UBE2O: variants seen among roughly 807,000 people sequenced by gnomAD.
The protein encoded by UBE2O is ubiquitin conjugating enzyme E2 O.
In UBE2O, 15 loss-of-function variants were observed where a neutral mutation model predicts 125.8. That is an observed-to-expected ratio of 0.12 (90% CI 0.08 to 0.18). UBE2O has a LOEUF of 0.18. Ranked by LOEUF, UBE2O falls within the 10% of genes least tolerant of loss-of-function variation. The pLI is 1.00. For synonymous variants in UBE2O, 708 were observed against 703.2 expected, an observed-to-expected ratio of 1.01 and a Z score of -0.11; for missense variants, 1,280 against 1,723.6, an observed-to-expected ratio of 0.74 and a Z score of 4.56.
Position 76,424,873 on chromosome 17 carries a change from T to A in UBE2O, c.418-19301A>T, listed in dbSNP as rs545305768. On this transcript the variant is annotated intron_variant, in intron 1 of 17. Coordinates refer to ENST00000319380, the MANE Select transcript of UBE2O (RefSeq NM_022066.4). ...TCTTTTTTTTTTTTTATTTTTTATT[T>A]TTTTTTTTTGAGACAGAGTCTCGCC... is the stretch of plus-strand genomic sequence containing the variant. Among the ~76,000 whole-genome samples the A allele has an allele frequency of 6.5e-3, 980 of 150,784 alleles. 12 individuals carry two copies. Among genetic ancestry groups the A allele is most frequent in the African/African-American group, 0.022 (910 of 41,158 alleles).
At position 76,398,251 on chromosome 17, in the gene UBE2O, G is replaced by GT. The variant is rs1471562777; in HGVS notation, c.2025+3dup. The GT allele has an allele frequency of 1.2e-6, 2 of 1,614,010 alleles. No homozygotes were observed. Among genetic ancestry groups the GT allele is most frequent in the African/African-American group, 1.3e-5 (1 of 74,908 alleles). On this transcript the variant is annotated splice_donor_region_variant and intron_variant, in intron 12 of 17. Coordinates refer to ENST00000319380, the MANE Select transcript of UBE2O (RefSeq NM_022066.4). The surrounding 1 kb of genome is among the most constrained non-coding windows in gnomAD (Gnocchi z 5.4). ...CCATCCAGAACTTGAATTTGAAGGCGTACCTCATCCTCCTTGTGAGGAGCC... is the reference window on the plus strand; with the variant it reads ...CCATCCAGAACTTGAATTTGAAGGCGTTACCTCATCCTCCTTGTGAGGAGCC...
intron 1 of UBE2O, among the ~76,000 whole-genome samples, chr17:76,423,617 T>C (rs2072745365): frequency 6.7e-6 from 1 of 149,926 alleles, no homozygotes; most frequent in African/African-American, 2.5e-5. Flanking sequence ...CGCTTGAACC[T>C]GGGAGGCGGA....
At position 76,400,612 on chromosome 17, in the gene UBE2O, G is replaced by C. The variant is rs2072305454; in HGVS notation, c.895-62C>G. 1.7e-6 allele frequency: 2 copies of C among 1,159,576 alleles called. No individual in the cohort carries two copies. The highest frequency in any genetic ancestry group is 2.5e-5 in the East Asian group (1 of 40,554). 71.8% of individuals were successfully genotyped at this position (1,159,576 alleles called of 1,614,324 possible). On this transcript the variant is annotated intron_variant, in intron 6 of 17. Coordinates refer to ENST00000319380, the MANE Select transcript of UBE2O (RefSeq NM_022066.4). This position sits in a 1 kb window ranked among gnomAD's most constrained non-coding sequence, Gnocchi z 4.3. ...GCTCTGACAGCACTCTCTTTAGCCA[G>C]CTGCCCAAAGCCCACTTGACCTCCA...
In UBE2O at chr17:76,410,358, C is replaced by T. The variant is rs565651574; in HGVS notation, c.418-4786G>A. Among the ~76,000 whole-genome samples, 5 of 151,748 alleles carry T rather than the reference C, an allele frequency of 3.3e-5. No individual in the cohort carries two copies. Among genetic ancestry groups the T allele is most frequent in the Non-Finnish European group, 7.4e-5 (5 of 67,934 alleles). ...ATTTGGCAATGTCTGGAGACACTTT[C>T]GGTGGTCATAAAGGGTGGTGGGGGT... is the stretch of plus-strand genomic sequence containing the variant. On this transcript the variant is annotated intron_variant, in intron 1 of 17. Coordinates refer to ENST00000319380, the MANE Select transcript of UBE2O (RefSeq NM_022066.4). The surrounding 1 kb of genome is among the most constrained non-coding windows in gnomAD (Gnocchi z 4.0).
intron 1 of UBE2O, among the ~76,000 whole-genome samples, chr17:76,447,609 G>A (rs1321740452): frequency 6.6e-6 from 1 of 152,168 alleles, no homozygotes; most frequent in Non-Finnish European, 1.5e-5. Flanking sequence ...GACGGCCGGG[G>A]TTACTTTAAA....
chr17:76,429,762 T>C (rs1352286698), intron 1 of UBE2O, among the ~76,000 whole-genome samples: 1 of 152,078 alleles, frequency 6.6e-6, no homozygotes, highest in Non-Finnish European at 1.5e-5. Context: ...GCCTCATGCC[T>C]GGCCTCAGCA....
Position 76,412,611 on chromosome 17 carries a change from G to A in UBE2O, c.418-7039C>T, listed in dbSNP as rs11652750. On this transcript the variant is annotated intron_variant, in intron 1 of 17. Coordinates refer to ENST00000319380, the MANE Select transcript of UBE2O (RefSeq NM_022066.4). Reference sequence around the variant, plus strand: ...GTTGTCCCTGAGCTTGAAGGGTCTAGCTCCACGCTGCCATGTGCCCACTCC... The same window carrying A: ...GTTGTCCCTGAGCTTGAAGGGTCTAACTCCACGCTGCCATGTGCCCACTCC... Among the ~76,000 whole-genome samples, 479 of 152,322 alleles carry A rather than the reference G, an allele frequency of 3.1e-3. 4 individuals carry two copies. The highest frequency in any genetic ancestry group is 4.5e-3 in the Non-Finnish European group (307 of 68,032).
Position 76,395,487 on chromosome 17 carries a change from C to A in UBE2O, c.2946+238G>T. 2.2e-6 allele frequency: 1 copy of A among 456,976 alleles called. No homozygotes were observed. The highest frequency in any genetic ancestry group is 3.9e-6 in the Non-Finnish European group (1 of 259,660). The allele number at this position is 456,976 out of a possible 1,614,324, so 28.3% of individuals were successfully genotyped here. ...GATTACGGGTGTGAGCCACTGCGCC[C>A]GGCCGAGAAAGTAATTTTTTAAAGG... On this transcript the variant is annotated intron_variant, in intron 15 of 17. Coordinates refer to ENST00000319380, the MANE Select transcript of UBE2O (RefSeq NM_022066.4). This position sits in a 1 kb window ranked among gnomAD's most constrained non-coding sequence, Gnocchi z 5.0.
Position 76,400,135 on chromosome 17 carries a change from C to G in UBE2O, c.1155+12G>C. ...CTCAAATGCCCACCAATCCCCAACC[C>G]CAAGGACATACCTTCTTGGCCATAG... On this transcript the variant is annotated intron_variant, in intron 8 of 17. Coordinates refer to ENST00000319380, the MANE Select transcript of UBE2O (RefSeq NM_022066.4). This position sits in a 1 kb window ranked among gnomAD's most constrained non-coding sequence, Gnocchi z 4.3. 6.2e-7 allele frequency: 1 copy of G among 1,611,480 alleles called. No homozygotes were observed. The highest frequency in any genetic ancestry group is 8.5e-7 in the Non-Finnish European group (1 of 1,178,396).
chr17:76,398,914 C>A lies in UBE2O; in HGVS notation c.1706G>T (p.Arg569Leu). 1 of 1,614,144 alleles carries A rather than the reference C, an allele frequency of 6.2e-7. No individual in the cohort carries two copies. ...GTGCACAGGGAAGAGGTCGTTGGAG[C>A]GGATGTTGCATTCCACGGAGCCATC... ...WQDGSVECNIRSNDLFPVHHL... is the reference protein window; with the variant it reads ...WQDGSVECNILSNDLFPVHHL... The change falls in exon 10 of 18, where the codon CGC (arginine) becomes CTC (leucine). Residue 569 changes from arginine (R) to leucine (L), a missense_variant. Physicochemically the swap from Arg to Leu is moderately radical, Grantham distance 102. This residue lies in a region of UBE2O where 145 missense variants were observed against 219.6 expected (regional missense o/e 0.66). Coordinates refer to ENST00000319380, the MANE Select transcript of UBE2O (RefSeq NM_022066.4). This position sits in a 1 kb window ranked among gnomAD's most constrained non-coding sequence, Gnocchi z 5.4.
intron 1 of UBE2O, among the ~76,000 whole-genome samples, chr17:76,414,913 T>G (rs550379956): frequency 4.5e-4 from 68 of 152,296 alleles, no homozygotes; most frequent in African/African-American, 1.6e-3. Context: ...CAGGCCTGGC[T>G]CCTGCATTTG....
At position 76,400,509 on chromosome 17, in the gene UBE2O, A is replaced by G; in HGVS notation, c.936T>C (p.Ser312=). Residue 312 remains serine (S), a synonymous_variant, in exon 7 of 18, where the codon AGT becomes AGC. Coordinates refer to ENST00000319380, the MANE Select transcript of UBE2O (RefSeq NM_022066.4). The surrounding 1 kb of genome is among the most constrained non-coding windows in gnomAD (Gnocchi z 4.3). ...CGCTGTCCGTGCCCCCTGGACAGAA[A>G]CTCTTGGTAATCCATGTAACTTTCA... ...VELKVTWITK[S]FCPGGTDSVS... 1 of 1,613,236 alleles carries G rather than the reference A, an allele frequency of 6.2e-7. No homozygotes were observed. The highest frequency in any genetic ancestry group is 8.5e-7 in the Non-Finnish European group (1 of 1,179,758).
chr17:76,427,427 A>G (rs917712372), intron 1 of UBE2O, among the ~76,000 whole-genome samples: 1 of 152,150 alleles, frequency 6.6e-6, no homozygotes, highest in African/African-American at 2.4e-5. Context: ...CAATCACTTT[A>G]GACATTTCTA....
chr17:76,406,769 G>C (rs1236287347), intron 1 of UBE2O, among the ~76,000 whole-genome samples: 1 of 135,406 alleles, frequency 7.4e-6, no homozygotes, highest in African/African-American at 2.9e-5. Flanking sequence ...GCGCAGTCTC[G>C]GCTCGCTGCA....
At chr17:76,439,070 C>G (rs2073042038) in intron 1 of UBE2O, among the ~76,000 whole-genome samples, 1 of 152,228 alleles carries the variant, frequency 6.6e-6, no homozygotes, top group South Asian at 2.1e-4. Flanking sequence ...ATCCAAAGAC[C>G]TGCACACACA....
intron 1 of UBE2O, among the ~76,000 whole-genome samples, chr17:76,446,414 G>A (rs534570468): frequency 1.5e-4 from 23 of 151,570 alleles, no homozygotes; most frequent in Non-Finnish European, 2.9e-4. Flanking sequence ...GTAAAAAATA[G>A]AAAAAGTTCC....
At position 76,399,686 on chromosome 17, in the gene UBE2O, A is replaced by G. The variant is rs1214404420; in HGVS notation, c.1391T>C (p.Leu464Pro). Residue 464 changes from leucine (L) to proline (P), a missense_variant, in exon 9 of 18, where the codon CTG (leucine) becomes CCG (proline). Leu to Pro is a moderately conservative substitution (Grantham distance 98). Coordinates refer to ENST00000319380, the MANE Select transcript of UBE2O (RefSeq NM_022066.4). This position sits in a 1 kb window ranked among gnomAD's most constrained non-coding sequence, Gnocchi z 6.9. The part of the protein sequence containing the change: ...HEAGEQLPPF[L>P]LKEGRDDRLH... ...CCTGTCATCTCTGCCTTCTTTTAGC[A>G]GGAATGGGGGCAGCTGCTCTCCTGC... 6.2e-7 allele frequency: 1 copy of G among 1,614,106 alleles called. No individual in the cohort carries two copies. The highest frequency in any genetic ancestry group is 1.7e-5 in the Admixed American group (1 of 60,024).
Position 76,391,214 on chromosome 17 carries a change from C to A in UBE2O, c.3608G>T (p.Gly1203Val), listed in dbSNP as rs1487361818. 6.2e-7 allele frequency: 1 copy of A among 1,613,322 alleles called. No homozygotes were observed. Among genetic ancestry groups the A allele is most frequent in the Middle Eastern group, 1.7e-4 (1 of 6,058 alleles). The change falls in exon 18 of 18, where the codon GGC becomes GTC. Residue 1203 changes from glycine to valine, a missense_variant. Transcript: ENST00000319380. The surrounding 1 kb of genome is among the most constrained non-coding windows in gnomAD (Gnocchi z 8.4). Reference sequence around the variant, plus strand: ...AGCTGAGGCCAGGCCCTGGGCACCGCCCTCTGAGTCTGAGCCCTGGGAGGC... The same window carrying A: ...AGCTGAGGCCAGGCCCTGGGCACCGACCTCTGAGTCTGAGCCCTGGGAGGC... ...GEASQGSDSE[G>V]GAQGLASASR...
Position 76,450,733 on chromosome 17 carries a change from C to T in UBE2O, c.417+1992G>A, listed in dbSNP as rs566162647. ...GCCTCCCTGGTTCAAGCAATTCTCC[C>T]GCCTCAGCCTCCCGAGTAGCTCAGG... On this transcript the variant is annotated intron_variant, in intron 1 of 17. Transcript: ENST00000319380. Among the ~76,000 whole-genome samples the T allele has an allele frequency of 4.6e-5, 7 of 152,218 alleles. No individual in the cohort carries two copies. The East Asian group carries it at 7.7e-4, about 17-fold the overall frequency.
Sources: allele counts gnomAD v4.1 joint callset (sites outside exome capture counted in the v4.1 genomes callset), GRCh38; gene constraint gnomAD v4.1.1; regional missense constraint gnomAD v4.1.1; non-coding constraint Gnocchi (gnomAD v3.1); transcripts MANE v1.5; gene names NCBI Gene and HGNC (gene_info 2026-07-23, HGNC 2026-07-21).